The following VCAN variants were observed in gnomAD, a reference collection of about 807,000 sequenced individuals.
VCAN encodes the protein versican, also known as versican core protein.
In VCAN, 44 loss-of-function variants were observed where a neutral mutation model predicts 245.5. The observed-to-expected ratio is 0.18, with a 90% confidence interval of 0.14 to 0.23. VCAN has a LOEUF of 0.23. Among genes scored for constraint, VCAN ranks in the 10% least tolerant of loss-of-function variants. The pLI is 1.00. For synonymous variants in VCAN, 1,413 were observed against 1,437.0 expected, an observed-to-expected ratio of 0.98 and a Z score of 0.38; for missense variants, 3,793 against 4,057.9, an observed-to-expected ratio of 0.93 and a Z score of 1.77.
chr5:83,539,337 A>T lies in VCAN; in HGVS notation c.6334A>T (p.Ser2112Cys), dbSNP rs1746868415. The T allele has an allele frequency of 6.2e-7, 1 of 1,614,124 alleles. No homozygotes were observed. The highest frequency in any genetic ancestry group is 1.3e-5 in the African/African-American group (1 of 75,048). ...CAACCCTGTAAGACAAGAAATTGAA[A>T]GTGAAACAACATCAGAGGAACAAAT... ...EVNPVRQEIE[S>C]ETTSEEQIQE... The change falls in exon 8 of 15, where the codon AGT (serine) becomes TGT (cysteine). Residue 2112 changes from serine to cysteine, a missense_variant. Around this residue, in one of 5 missense-constraint regions of VCAN, gnomAD observed 3,182 missense variants for 3,250.3 expected, o/e 0.98. Coordinates refer to ENST00000265077, the MANE Select transcript of VCAN (RefSeq NM_004385.5).
intron 12 of VCAN, among the ~76,000 whole-genome samples, chr5:83,568,518 C>T (rs1175518700): frequency 2.0e-5 from 3 of 152,110 alleles, no homozygotes; most frequent in Non-Finnish European, 2.9e-5. Flanking sequence ...GCAGTTTGAG[C>T]CCCGAGAATC....
At chr5:83,510,341 G>GCTAT (rs1426698027) in intron 5 of VCAN, among the ~76,000 whole-genome samples, 2 of 152,114 alleles carry the variant, frequency 1.3e-5, no homozygotes, top group Non-Finnish European at 2.9e-5. Context: ...GTTTTATAGT[G>GCTAT]CTATCACCCA....
At position 83,526,366 on chromosome 5, in the gene VCAN, G is replaced by A. The variant is rs1383431881; in HGVS notation, c.4003+4057G>A. Among the ~76,000 whole-genome samples the A allele has an allele frequency of 2.6e-5, 4 of 152,184 alleles. No homozygotes were observed. In the East Asian group the frequency reaches 7.7e-4, roughly 29 times the overall value. Reference sequence around the variant, plus strand: ...TTATAGAAAAATTACTTTCTGATTTGTTATTATAAGATCCAGGTCCTTTCT... The same window carrying A: ...TTATAGAAAAATTACTTTCTGATTTATTATTATAAGATCCAGGTCCTTTCT... On this transcript the variant is annotated intron_variant, in intron 7 of 14. Transcript: ENST00000265077.
intron 5 of VCAN, among the ~76,000 whole-genome samples, chr5:83,496,994 A>G (rs1490567247): frequency 1.3e-5 from 2 of 152,164 alleles, no homozygotes; most frequent in Admixed American, 6.6e-5. Flanking sequence ...AATAATTCCC[A>G]CCTATATTTT....
chr5:83,510,029 G>A (rs1289524532), intron 5 of VCAN, among the ~76,000 whole-genome samples: 1 of 152,168 alleles, frequency 6.6e-6, no homozygotes, highest in Non-Finnish European at 1.5e-5. Flanking sequence ...CTGGCCCTGT[G>A]ACCCTTATGC....
intron 10 of VCAN, among the ~76,000 whole-genome samples, chr5:83,551,187 A>T (rs764133087): frequency 1.1e-4 from 17 of 152,024 alleles, no homozygotes; most frequent in Non-Finnish European, 1.8e-4. Flanking sequence ...CTTGTTTAGG[A>T]GGAAAAATAC....
chr5:83,483,858 G>A (rs1039460777), intron 2 of VCAN, among the ~76,000 whole-genome samples: 1 of 152,168 alleles, frequency 6.6e-6, no homozygotes, highest in East Asian at 1.9e-4. Flanking sequence ...GCTCATATAT[G>A]GTATTGGGCA....
chr5:83,499,882 T>C (rs1299864431), intron 5 of VCAN, among the ~76,000 whole-genome samples: 1 of 152,210 alleles, frequency 6.6e-6, no homozygotes, highest in Admixed American at 6.5e-5. Context: ...AAAACAACTT[T>C]TCCATTTTTG....
chr5:83,486,311 C>T (rs1178321541), intron 2 of VCAN, among the ~76,000 whole-genome samples: 3 of 152,178 alleles, frequency 2.0e-5, no homozygotes, highest in Non-Finnish European at 4.4e-5. Context: ...GCCTGACACA[C>T]TGACAGCACT....
At chr5:83,516,043 T>G (rs530910761) in intron 6 of VCAN, among the ~76,000 whole-genome samples, 6 of 152,282 alleles carry the variant, frequency 3.9e-5, no homozygotes, top group Admixed American at 2.0e-4. Flanking sequence ...CCATCCTGGC[T>G]AACACGGTGA....
chr5:83,514,464 T>A (rs921842181), intron 6 of VCAN, among the ~76,000 whole-genome samples: 1 of 151,618 alleles, frequency 6.6e-6, no homozygotes, highest in Non-Finnish European at 1.5e-5. Flanking sequence ...TTTTTTTTTT[T>A]TTTGAGGTGG....
intron 13 of VCAN, among the ~76,000 whole-genome samples, chr5:83,572,901 A>ATTTAT (rs564149689): frequency 7.3e-6 from 1 of 136,534 alleles, no homozygotes; most frequent in Non-Finnish European, 1.6e-5. Context: ...TTATTTATTT[A>ATTTAT]TTATTATTAT....
chr5:83,545,389 A>C (rs2112456540), intron 8 of VCAN, 148 bp from the exon 9 acceptor site: 1 of 750,618 alleles, frequency 1.3e-6, no homozygotes, highest in African/African-American at 1.7e-5. Context: ...CCAGAGAGTA[A>C]AGTTAATGTT....
At chr5:83,487,773 C>A (rs1267801409) in intron 2 of VCAN, among the ~76,000 whole-genome samples, 3 of 152,100 alleles carry the variant, frequency 2.0e-5, no homozygotes, top group African/African-American at 2.4e-5. Flanking sequence ...TTCCAACATA[C>A]CTTTTCTTTA....
At chr5:83,484,518 TC>T in intron 2 of VCAN, among the ~76,000 whole-genome samples, 1 of 133,810 alleles carries the variant, frequency 7.5e-6, no homozygotes, top group African/African-American at 4.0e-5. Flanking sequence ...CTTCCATCCA[TC>T]CATCCATCCA....
chr5:83,539,537 T>A lies in VCAN; in HGVS notation c.6534T>A (p.Val2178=). 1 of 1,614,070 alleles carries A rather than the reference T, an allele frequency of 6.2e-7. No homozygotes were observed. Among genetic ancestry groups the A allele is most frequent in the Non-Finnish European group, 8.5e-7 (1 of 1,179,990 alleles). The change falls in exon 8 of 15, where the codon GTT becomes GTA. Residue 2178 remains valine, a synonymous_variant. Coordinates refer to ENST00000265077, the MANE Select transcript of VCAN (RefSeq NM_004385.5). Reference sequence around the variant, plus strand: ...TGAAGGAGGAAGACACTTCTTTAGTTAACATGTCTACTCCAGATCCAGATG... The same window carrying A: ...TGAAGGAGGAAGACACTTCTTTAGTAAACATGTCTACTCCAGATCCAGATG... ...KEMKEEDTSL[V]NMSTPDPDAN...
At chr5:83,510,801 AAG>A (rs1235230483) in intron 5 of VCAN, among the ~76,000 whole-genome samples, 1 of 152,220 alleles carries the variant, frequency 6.6e-6, no homozygotes, top group Non-Finnish European at 1.5e-5. Flanking sequence ...GTAATAAACA[AAG>A]CAACTGTCCA....
rs1490164448 is a variant in VCAN, at chr5:83,545,490, A to G, written c.9266-47A>G. The G allele has an allele frequency of 2.6e-6, 4 of 1,518,668 alleles. 1 individual carries two copies. Among genetic ancestry groups the G allele is most frequent in the South Asian group, 2.2e-5 (2 of 89,088 alleles). The allele number at this position is 1,518,668 out of a possible 1,614,324, so 94.1% of individuals were successfully genotyped here. The stretch of plus-strand genomic sequence containing the variant: ...GTTTTATGCTAAAATACACGCAAAC[A>G]TTAGAGACGAGCCTAACTGCTTTTC... On this transcript the variant is annotated intron_variant, in intron 8 of 14. Transcript: ENST00000265077.
chr5:83,488,836 A>C (rs1399916855), intron 2 of VCAN, among the ~76,000 whole-genome samples: 1 of 152,208 alleles, frequency 6.6e-6, no homozygotes, highest in Non-Finnish European at 1.5e-5. Flanking sequence ...ATATGATACT[A>C]TATTAATTAT....
Sources: gnomAD v4.1 joint callset for allele counts (sites outside exome capture counted in the v4.1 genomes callset) on GRCh38, gnomAD v4.1.1 for gene constraint, gnomAD v4.1.1 regional missense constraint, MANE v1.5 for transcripts, NCBI Gene and HGNC (gene_info 2026-07-23, HGNC 2026-07-21) for gene names.